Variants in SND1 observed in about 807,000 individuals in gnomAD.
The protein encoded by SND1 is staphylococcal nuclease domain-containing protein 1.
Under a neutral mutation model 121.7 loss-of-function variants are expected in SND1, and 38 were observed. The observed-to-expected ratio is 0.31, with a 90% CI of 0.24 to 0.41. The LOEUF is 0.41. Among genes scored for constraint, SND1 ranks in the 10% least tolerant of loss-of-function variants. The pLI is 1.00. For synonymous variants in SND1, 401 were observed against 447.4 expected, an observed-to-expected ratio of 0.90 and a Z score of 1.31; for missense variants, 868 against 1,184.6, an observed-to-expected ratio of 0.73 and a Z score of 3.92.
intron 19 of SND1, 64 bp downstream of exon 19, chr7:128,084,911 C>T: frequency 3.3e-6 from 5 of 1,512,846 alleles, no homozygotes; most frequent in Non-Finnish European, 4.5e-6. Context: ...TGTCCTCAGG[C>T]CTCAGGTGTT....
chr7:127,791,451 C>T (rs944462640), intron 10 of SND1, among the ~76,000 whole-genome samples: 15 of 151,958 alleles, frequency 9.9e-5, no homozygotes, highest in South Asian at 4.1e-4. Context: ...CCATGCCCAA[C>T]GTTACTTTTT....
chr7:127,973,190 G>T (rs1005464854), intron 15 of SND1, among the ~76,000 whole-genome samples: 2 of 152,176 alleles, frequency 1.3e-5, no homozygotes, highest in African/African-American at 4.8e-5. Context: ...CAGTTTTCTG[G>T]CTTGTTAATA....
chr7:127,797,889 A>C (rs999253433), intron 10 of SND1, among the ~76,000 whole-genome samples: 3 of 152,220 alleles, frequency 2.0e-5, no homozygotes, highest in Non-Finnish European at 2.9e-5. Flanking sequence ...TCTTGGGGGA[A>C]CAAAGACCTC....
At chr7:128,032,056 GCCACGCAGA>G (rs1792632241) in intron 16 of SND1, 1 of 151,890 alleles carries the variant, frequency 6.6e-6, no homozygotes, top group African/African-American at 2.4e-5. Flanking sequence ...GCAGGCGGCA[GCCACGCAGA>G]CTGCTCTCTC....
At chr7:127,891,028 CTG>C (rs988179443) in intron 13 of SND1, among the ~76,000 whole-genome samples, 4 of 152,106 alleles carry the variant, frequency 2.6e-5, no homozygotes, top group African/African-American at 9.7e-5. Flanking sequence ...TCAGCATGAA[CTG>C]TGAGTGAATT....
chr7:127,751,534 A>G (rs1016629290), intron 10 of SND1, among the ~76,000 whole-genome samples: 1 of 152,186 alleles, frequency 6.6e-6, no homozygotes, highest in Non-Finnish European at 1.5e-5. Context: ...TCTGAGGCTT[A>G]CCAGTTAAAA....
chr7:127,700,406 C>G (rs770871176), intron 4 of SND1, among the ~76,000 whole-genome samples: 2 of 152,200 alleles, frequency 1.3e-5, no homozygotes, highest in Non-Finnish European at 2.9e-5. Context: ...GGAGTCCCTC[C>G]TGCTGAAGAT....
intron 1 of SND1, among the ~76,000 whole-genome samples, chr7:127,668,788 T>C (rs1406322398): frequency 1.3e-5 from 2 of 152,168 alleles, no homozygotes; most frequent in East Asian, 3.8e-4. Context: ...TTCCACTCCC[T>C]CGGCATGATC....
At chr7:127,694,240 G>A (rs1038741896) in intron 2 of SND1, among the ~76,000 whole-genome samples, 1 of 152,206 alleles carries the variant, frequency 6.6e-6, no homozygotes, top group Non-Finnish European at 1.5e-5. Flanking sequence ...CACTTGAGCA[G>A]GGGATTCACT....
intron 14 of SND1, chr7:127,928,197 T>G (rs752160806): frequency 7.9e-5 from 12 of 152,210 alleles, no homozygotes; most frequent in Non-Finnish European, 1.8e-4. Context: ...GTTTTTAAAC[T>G]GCTATTCCGT....
chr7:127,742,268 A>G (rs1796894802), intron 10 of SND1, among the ~76,000 whole-genome samples: 1 of 152,124 alleles, frequency 6.6e-6, no homozygotes, highest in South Asian at 2.1e-4. Context: ...TTTAAATTGC[A>G]TCAAATTAAA....
chr7:128,039,213 A>C (rs890645987), intron 16 of SND1, among the ~76,000 whole-genome samples: 1 of 152,188 alleles, frequency 6.6e-6, no homozygotes, highest in Non-Finnish European at 1.5e-5. Flanking sequence ...TCACAGTTAT[A>C]TCACTCAGCT....
intron 12 of SND1, among the ~76,000 whole-genome samples, chr7:127,855,686 A>G (rs1249822108): frequency 6.6e-6 from 1 of 152,148 alleles, no homozygotes; most frequent in Non-Finnish European, 1.5e-5. Context: ...GCTGCTTACC[A>G]TTGACCTAAT....
chr7:127,710,908 C>CA lies in SND1; in HGVS notation c.1038+3262dup, dbSNP rs530441423. Among the ~76,000 whole-genome samples, 132 of 152,292 alleles carry CA rather than the reference C, an allele frequency of 8.7e-4. 2 individuals are homozygous for CA. The highest frequency in any genetic ancestry group is 3.1e-3 in the African/African-American group (129 of 41,556). ...GTCAGTATTTATTTTAAGTGATAAT[C>CA]ACCACAGTGCTATATAGCATATTAT... On this transcript the variant is annotated intron_variant, in intron 9 of 23. Transcript: ENST00000354725.
chr7:128,038,708 T>A (rs1436367363), intron 16 of SND1, among the ~76,000 whole-genome samples: 1 of 151,808 alleles, frequency 6.6e-6, no homozygotes, highest in South Asian at 2.1e-4. Context: ...TTGAGGTAAT[T>A]TTAGACTTAT....
chr7:127,920,520 G>C (rs189093220), intron 14 of SND1, among the ~76,000 whole-genome samples: 2 of 152,190 alleles, frequency 1.3e-5, no homozygotes, highest in African/African-American at 4.8e-5. Context: ...TAAGACTAGT[G>C]TGTTGAGAAG....
intron 12 of SND1, among the ~76,000 whole-genome samples, chr7:127,862,767 TC>T (rs148435576): frequency 0.053 from 8,078 of 152,240 alleles, 617 homozygotes; most frequent in African/African-American, 0.17. Flanking sequence ...ATGGGTGCTC[TC>T]CCAGGCCGTG....
rs1353562032 is a variant in SND1, at chr7:128,081,414, GAGA to G, written c.2026_2028del (p.Lys676del). ...GGAGGAGGTGATGCCAGTGCTGGAG[GAGA>G]AGGAGCGATCTGCTAGCTACAAGCC... On this transcript the variant is annotated inframe_deletion, in exon 18 of 24. Coordinates refer to ENST00000354725, the MANE Select transcript of SND1 (RefSeq NM_014390.4). The G allele has an allele frequency of 6.2e-7, 1 of 1,614,112 alleles. No homozygotes were observed. Among genetic ancestry groups the G allele is most frequent in the African/African-American group, 1.3e-5 (1 of 74,952 alleles).
chr7:127,710,573 GTA>G (rs1796280848), intron 9 of SND1, among the ~76,000 whole-genome samples: 1 of 151,892 alleles, frequency 6.6e-6, no homozygotes, highest in African/African-American at 2.4e-5. Flanking sequence ...TCTTTTGTGT[GTA>G]ATTTTTAAGT....
Sources: allele counts gnomAD v4.1 joint callset (sites outside exome capture counted in the v4.1 genomes callset), GRCh38; gene constraint gnomAD v4.1.1; transcripts MANE v1.5; gene names NCBI Gene and HGNC (gene_info 2026-07-23, HGNC 2026-07-21).